QKI: variants seen among roughly 807,000 people sequenced by gnomAD.
QKI encodes the protein KH domain-containing RNA-binding protein QKI.
Under a neutral mutation model 39.0 loss-of-function variants are expected in QKI, and 10 were observed. That is an observed-to-expected ratio of 0.26 (90% CI 0.16 to 0.43). The LOEUF (loss-of-function observed/expected upper bound fraction) is 0.43, where lower values mean the gene tolerates loss of function less well. Among genes scored for constraint, QKI ranks in the 20% least tolerant of loss-of-function variants. QKI has a pLI of 1.00. For synonymous variants in QKI, 204 were observed against 155.4 expected, an observed-to-expected ratio of 1.31 and a Z score of -2.33; for missense variants, 218 against 428.0, an observed-to-expected ratio of 0.51 and a Z score of 4.33.
chr6:163,459,648 T>C (rs547562056), intron 2 of QKI, among the ~76,000 whole-genome samples: 8 of 152,242 alleles, frequency 5.3e-5, no homozygotes, highest in African/African-American at 1.4e-4. Flanking sequence ...TATGAAGTTA[T>C]AAGGTTCACT....
In QKI at chr6:163,546,734, A is replaced by AAGCTTTTGGT. The variant is rs1781899217; in HGVS notation, c.546+11614_546+11623dup. 1.3e-5 allele frequency among the ~76,000 whole-genome samples: 2 copies of AAGCTTTTGGT among 152,066 alleles called. 1 individual carries two copies. Among genetic ancestry groups the AAGCTTTTGGT allele is most frequent in the South Asian group, 4.1e-4 (2 of 4,830 alleles). On this transcript the variant is annotated intron_variant, in intron 4 of 7. Coordinates refer to ENST00000361752, the MANE Select transcript of QKI (RefSeq NM_006775.3). ...TTTTAGTATTAAGATTATTTCAGGT[A>AAGCTTTTGGT]AGCTTTTGGTAGCTCATTATAGCTT... is the stretch of plus-strand genomic sequence containing the variant.
intron 4 of QKI, among the ~76,000 whole-genome samples, chr6:163,550,771 C>CA (rs1782180269): frequency 1.3e-5 from 2 of 152,010 alleles, no homozygotes; most frequent in South Asian, 4.2e-4. Flanking sequence ...ACAGTGAAAC[C>CA]CCATCTCTAC....
chr6:163,438,982 CTT>C (rs1789524819), intron 1 of QKI, among the ~76,000 whole-genome samples: 1 of 152,096 alleles, frequency 6.6e-6, no homozygotes, highest in Non-Finnish European at 1.5e-5. Flanking sequence ...TCTATAAGCT[CTT>C]TTCTGTTTTC....
rs1314261856 is a variant in QKI, at chr6:163,559,750, A to G, written c.547-2232A>G. Among the ~76,000 whole-genome samples the G allele has an allele frequency of 2.6e-5, 4 of 152,368 alleles. No individual in the cohort carries two copies. In the East Asian group the frequency reaches 5.8e-4, roughly 22 times the overall value. On this transcript the variant is annotated intron_variant, in intron 4 of 7. Coordinates refer to ENST00000361752, the MANE Select transcript of QKI (RefSeq NM_006775.3). Reference sequence around the variant, plus strand: ...AGTTCTGTTTACTATATATTATAGTATACCATTCACCATTGTAATGCCAAA... The same window carrying G: ...AGTTCTGTTTACTATATATTATAGTGTACCATTCACCATTGTAATGCCAAA...
At position 163,549,924 on chromosome 6, in the gene QKI, T is replaced by C. The variant is rs565546872; in HGVS notation, c.547-12058T>C. 8.0e-4 allele frequency among the ~76,000 whole-genome samples: 122 copies of C among 152,304 alleles called. No homozygotes were observed. In the Middle Eastern group the frequency reaches 0.01, roughly 13 times the overall value. ...TTGTATTTGTTGAACAAATATTTCTTAACATTGTATATACCAGGAACCTAA... is the reference window on the plus strand; with the variant it reads ...TTGTATTTGTTGAACAAATATTTCTCAACATTGTATATACCAGGAACCTAA... On this transcript the variant is annotated intron_variant, in intron 4 of 7. Coordinates refer to ENST00000361752, the MANE Select transcript of QKI (RefSeq NM_006775.3).
chr6:163,466,531 T>C (rs1244761835), intron 2 of QKI, among the ~76,000 whole-genome samples: 1 of 152,106 alleles, frequency 6.6e-6, no homozygotes, highest in Admixed American at 6.6e-5. Context: ...AACAGACACA[T>C]AGACCAATGA....
intron 3 of QKI, among the ~76,000 whole-genome samples, chr6:163,520,637 C>G (rs902876235): frequency 6.6e-6 from 1 of 152,118 alleles, no homozygotes; most frequent in African/African-American, 2.4e-5. Context: ...TTCATATGAC[C>G]TATGTCCAAA....
intron 3 of QKI, among the ~76,000 whole-genome samples, chr6:163,529,099 T>C (rs1036600936): frequency 6.6e-6 from 1 of 152,150 alleles, no homozygotes; most frequent in African/African-American, 2.4e-5. Context: ...ATAAGAGTTA[T>C]TGTAGAAAAT....
chr6:163,463,306 A>G (rs941020504), intron 2 of QKI, among the ~76,000 whole-genome samples: 1 of 152,262 alleles, frequency 6.6e-6, no homozygotes, highest in African/African-American at 2.4e-5. Context: ...CTACTGATGT[A>G]ACCTCACATG....
intron 1 of QKI, among the ~76,000 whole-genome samples, chr6:163,448,111 A>G (rs960898231): frequency 2.6e-5 from 4 of 152,188 alleles, no homozygotes; most frequent in Non-Finnish European, 2.9e-5. Context: ...GCTGAGAACA[A>G]TCAGGAAAAT....
chr6:163,497,636 T>TG (rs2128230484), intron 3 of QKI, among the ~76,000 whole-genome samples: 1 of 77,418 alleles, frequency 1.3e-5, no homozygotes, highest in Admixed American at 1.7e-4. Context: ...AGATATTGTT[T>TG]GTTAAAAAAA....
chr6:163,573,392 A>T lies in QKI; in HGVS notation c.*2682A>T, dbSNP rs1390153213. ...CATGTATTTTTGTCTATTCTTTATT[A>T]TCTTAGTTTCATGCTATGTATGTAC... On this transcript the variant is annotated 3_prime_UTR_variant, in exon 8 of 8. Coordinates refer to ENST00000361752, the MANE Select transcript of QKI (RefSeq NM_006775.3). 1 of 152,056 alleles carries T rather than the reference A, an allele frequency of 6.6e-6. No individual in the cohort carries two copies. 9.4% of individuals were successfully genotyped at this position (152,056 alleles called of 1,614,324 possible).
At chr6:163,536,329 A>G (rs946939508) in intron 4 of QKI, among the ~76,000 whole-genome samples, 2 of 152,230 alleles carry the variant, frequency 1.3e-5, no homozygotes, top group Non-Finnish European at 2.9e-5. Context: ...ATGATCAGAA[A>G]AAGTTATTTA....
intron 1 of QKI, among the ~76,000 whole-genome samples, chr6:163,432,968 GAT>G (rs1370122392): frequency 6.6e-6 from 1 of 152,208 alleles, no homozygotes; most frequent in East Asian, 1.9e-4. Context: ...TGAGTAGAGA[GAT>G]AAATGAATCC....
chr6:163,463,557 C>T (rs761532882), intron 2 of QKI, among the ~76,000 whole-genome samples: 96 of 152,156 alleles, frequency 6.3e-4, no homozygotes, highest in Non-Finnish European at 1.2e-3. Context: ...AATTTGAAAT[C>T]TGTGGTATGC....
intron 4 of QKI, among the ~76,000 whole-genome samples, chr6:163,558,431 G>A (rs1007350086): frequency 3.8e-5 from 5 of 131,608 alleles, no homozygotes; most frequent in East Asian, 2.1e-4. Context: ...AGACAGTCTC[G>A]CCCTGTTGCC....
intron 7 of QKI, chr6:163,568,834 G>T (rs756194675): frequency 5.6e-5 from 55 of 985,720 alleles, no homozygotes; most frequent in Non-Finnish European, 6.6e-5. Flanking sequence ...GCCTATTAGA[G>T]ACCAACTGAC....
At chr6:163,568,082 TG>T in intron 7 of QKI, 6 of 985,398 alleles carry the variant, frequency 6.1e-6, no homozygotes, top group Non-Finnish European at 7.2e-6. Flanking sequence ...TCTATGAGGA[TG>T]GTATTCCTTG....
intron 4 of QKI, among the ~76,000 whole-genome samples, chr6:163,537,868 A>T (rs929749102): frequency 6.6e-6 from 1 of 152,112 alleles, no homozygotes; most frequent in African/African-American, 2.4e-5. Flanking sequence ...GTCTATTGTT[A>T]CCTTTCCCTG....
Sources: allele counts gnomAD v4.1 joint callset (sites outside exome capture counted in the v4.1 genomes callset), GRCh38; gene constraint gnomAD v4.1.1; transcripts MANE v1.5; gene names NCBI Gene and HGNC (gene_info 2026-07-23, HGNC 2026-07-21).